Variants in TNKS observed in about 807,000 individuals in gnomAD.
TNKS encodes the protein poly [ADP-ribose] polymerase tankyrase-1.
TNKS carries 72 observed loss-of-function variants against 135.8 expected under a neutral mutation model. That is an observed-to-expected ratio of 0.53 (90% confidence interval 0.44 to 0.64). The LOEUF is 0.64. TNKS is among the 30% of genes least tolerant of loss of function. The pLI is 0.00. For synonymous variants in TNKS, 849 were observed against 649.3 expected (o/e 1.31, Z -4.68); for missense variants, 1,769 against 1,674.0 (o/e 1.06, Z -0.99).
rs773514563 is a variant in TNKS, at chr8:9,730,911, G to A, written c.2023G>A (p.Val675Met). The change falls in exon 14 of 27, where the codon GTG (valine) becomes ATG (methionine). Residue 675 changes from valine (V) to methionine (M), a missense_variant. This residue lies in a region of TNKS where 523 missense variants were observed against 541.0 expected (regional missense o/e 0.97). Coordinates refer to ENST00000310430, the MANE Select transcript of TNKS (RefSeq NM_003747.3). ...AAAGCAACTTTGCAGCTCTCAAAATGTGAATTGTAGAGACTTAGAGGGCCG... is the reference window on the plus strand; with the variant it reads ...AAAGCAACTTTGCAGCTCTCAAAATATGAATTGTAGAGACTTAGAGGGCCG... The part of the protein sequence containing the change: ...TVKQLCSSQN[V>M]NCRDLEGRHS... 9 of 1,613,146 alleles carry A rather than the reference G, an allele frequency of 5.6e-6. No homozygotes were observed. Among genetic ancestry groups the A allele is most frequent in the Non-Finnish European group, 7.6e-6 (9 of 1,179,626 alleles).
chr8:9,717,065 GTATTATAA>G (rs1397774622), intron 11 of TNKS, among the ~76,000 whole-genome samples: 1 of 26,888 alleles, frequency 3.7e-5, no homozygotes, highest in Non-Finnish European at 8.1e-5. Context: ...ATAATCTGTT[GTATTATAA>G]TATATATATA....
At chr8:9,764,081 A>T (rs1807292187) in intron 22 of TNKS, among the ~76,000 whole-genome samples, 1 of 152,162 alleles carries the variant, frequency 6.6e-6, no homozygotes, top group Admixed American at 6.5e-5. Context: ...AATGTCAAAA[A>T]TGTAGTGACT....
chr8:9,772,105 G>A, intron 26 of TNKS, among the ~76,000 whole-genome samples: 1 of 148,556 alleles, frequency 6.7e-6, no homozygotes, highest in African/African-American at 2.5e-5. Flanking sequence ...GAGAAACAGG[G>A]AAGGACGGGT....
intron 2 of TNKS, among the ~76,000 whole-genome samples, chr8:9,606,138 G>A (rs1248683324): frequency 1.2e-5 from 1 of 80,648 alleles, no homozygotes; most frequent in African/African-American, 5.1e-5. Flanking sequence ...GTGGTGTGCG[G>A]TAAGAGTTAT....
At chr8:9,696,553 A>G (rs1289679549) in intron 5 of TNKS, among the ~76,000 whole-genome samples, 1 of 152,156 alleles carries the variant, frequency 6.6e-6, no homozygotes. Flanking sequence ...AAAAAACCGT[A>G]AAGACACCAC....
At chr8:9,560,915 C>CTT (rs1287537515) in intron 1 of TNKS, among the ~76,000 whole-genome samples, 2 of 152,042 alleles carry the variant, frequency 1.3e-5, no homozygotes, top group Middle Eastern at 3.4e-3. Flanking sequence ...GTGTCTCTTT[C>CTT]TTTTACCTCA....
At chr8:9,650,280 A>C (rs1007724517) in intron 3 of TNKS, among the ~76,000 whole-genome samples, 2 of 152,054 alleles carry the variant, frequency 1.3e-5, no homozygotes, top group Non-Finnish European at 2.9e-5. Context: ...GCTGCTGTAA[A>C]CATGGGTGCA....
intron 13 of TNKS, among the ~76,000 whole-genome samples, chr8:9,729,907 G>A (rs1805348271): frequency 6.6e-6 from 1 of 150,712 alleles, no homozygotes; most frequent in Non-Finnish European, 1.5e-5. Flanking sequence ...CCAGCGAGTA[G>A]CTGGGACTAC....
intron 2 of TNKS, among the ~76,000 whole-genome samples, chr8:9,611,797 G>C (rs2128763834): frequency 6.6e-6 from 1 of 152,236 alleles, no homozygotes; most frequent in African/African-American, 2.4e-5. Context: ...AAATTGCTTG[G>C]GGAATATTGT....
intron 1 of TNKS, among the ~76,000 whole-genome samples, chr8:9,574,342 C>G (rs555783833): frequency 1.3e-5 from 2 of 152,280 alleles, no homozygotes; most frequent in African/African-American, 4.8e-5. Flanking sequence ...GTTGCTTAAG[C>G]TAGAAATCTG....
chr8:9,735,141 T>C, intron 16 of TNKS, 57 bp downstream of exon 16: 1 of 1,523,670 alleles, frequency 6.6e-7, no homozygotes, highest in Non-Finnish European at 8.9e-7. Context: ...CCTAATACAG[T>C]TTACTAAAAG....
intron 12 of TNKS, among the ~76,000 whole-genome samples, chr8:9,721,184 G>A (rs1804860975): frequency 6.6e-6 from 1 of 151,286 alleles, no homozygotes; most frequent in Non-Finnish European, 1.5e-5. Flanking sequence ...GGGAGGCTGA[G>A]GCAAGGAGAA....
chr8:9,567,619 G>A (rs889993947), intron 1 of TNKS, among the ~76,000 whole-genome samples: 5 of 152,056 alleles, frequency 3.3e-5, no homozygotes, highest in East Asian at 1.9e-4. Context: ...GGGTTTCACC[G>A]TGTTAGCGAG....
chr8:9,744,714 T>A (rs987761070), intron 17 of TNKS, among the ~76,000 whole-genome samples: 1 of 152,216 alleles, frequency 6.6e-6, no homozygotes, highest in Non-Finnish European at 1.5e-5. Flanking sequence ...AGCCTTAAAT[T>A]CCAGTTACTA....
intron 3 of TNKS, among the ~76,000 whole-genome samples, chr8:9,662,225 C>T (rs866901753): frequency 9.2e-5 from 14 of 152,264 alleles, no homozygotes; most frequent in Middle Eastern, 6.8e-3. Flanking sequence ...TACCATTTGA[C>T]GCAGCCATCC....
At chr8:9,759,361 G>A (rs994849148) in intron 20 of TNKS, among the ~76,000 whole-genome samples, 1 of 152,192 alleles carries the variant, frequency 6.6e-6, no homozygotes, top group Non-Finnish European at 1.5e-5. Context: ...TGTTAGAAGT[G>A]AGTTCATAAG....
intron 14 of TNKS, among the ~76,000 whole-genome samples, chr8:9,732,836 G>T (rs571792470): frequency 6.6e-6 from 1 of 152,100 alleles, no homozygotes; most frequent in Admixed American, 6.5e-5. Context: ...TCAATATTTG[G>T]CACCTCAATA....
chr8:9,754,437 G>C (rs920628662), intron 20 of TNKS, among the ~76,000 whole-genome samples: 1 of 151,984 alleles, frequency 6.6e-6, no homozygotes, highest in Non-Finnish European at 1.5e-5. Context: ...TAGTCAGTTT[G>C]GAGTTAACTT....
At chr8:9,579,679 G>A (rs991529105) in intron 1 of TNKS, among the ~76,000 whole-genome samples, 2 of 152,134 alleles carry the variant, frequency 1.3e-5, no homozygotes, top group Non-Finnish European at 1.5e-5. Context: ...ATGTTGGCCA[G>A]GCTGGTCTTG....
Sources: allele counts gnomAD v4.1 joint callset (sites outside exome capture counted in the v4.1 genomes callset), GRCh38; gene constraint gnomAD v4.1.1; regional missense constraint gnomAD v4.1.1; transcripts MANE v1.5; gene names NCBI Gene and HGNC (gene_info 2026-07-23, HGNC 2026-07-21).